The following GALNT1 variants were observed in gnomAD, a reference collection of about 807,000 sequenced individuals.
GALNT1 encodes GalNAc transferase 1.
Under a neutral mutation model 65.7 loss-of-function variants are expected in GALNT1, and 17 were observed. The ratio of observed to expected loss-of-function variants is 0.26; its 90% CI spans 0.18 to 0.39. GALNT1 has a LOEUF of 0.39. Ranked by LOEUF, GALNT1 falls within the 10% of genes least tolerant of loss-of-function variation. GALNT1 has a pLI of 1.00. For synonymous variants in GALNT1, 210 were observed against 219.7 expected (o/e 0.96, Z 0.39); for missense variants, 460 against 672.8 (o/e 0.68, Z 3.50).
At chr18:35,638,307 G>T (rs1361809511) in intron 1 of GALNT1, among the ~76,000 whole-genome samples, 3 of 152,194 alleles carry the variant, frequency 2.0e-5, no homozygotes, top group African/African-American at 7.2e-5. Flanking sequence ...AGGAGACTCG[G>T]CTGCTCATGT....
intron 1 of GALNT1, among the ~76,000 whole-genome samples, chr18:35,631,392 C>T (rs1053411592): frequency 2.0e-5 from 3 of 152,144 alleles, no homozygotes; most frequent in East Asian, 1.9e-4. Context: ...GGATGCAAGG[C>T]TGGTTCAACA....
At chr18:35,629,630 C>T (rs561551463) in intron 1 of GALNT1, among the ~76,000 whole-genome samples, 5 of 151,468 alleles carry the variant, frequency 3.3e-5, no homozygotes, top group African/African-American at 4.9e-5. Flanking sequence ...TTGTAAAGAC[C>T]ATCAATGCCA....
intron 6 of GALNT1, among the ~76,000 whole-genome samples, chr18:35,688,806 A>C (rs1344997988): frequency 6.6e-6 from 1 of 152,178 alleles, no homozygotes; most frequent in Non-Finnish European, 1.5e-5. Context: ...GAGTGGGTGC[A>C]CAGTCAGATG....
Position 35,677,010 on chromosome 18 carries a change from A to G in GALNT1, c.315-581A>G, listed in dbSNP as rs113835258. 6.4e-3 allele frequency among the ~76,000 whole-genome samples: 975 copies of G among 152,314 alleles called. 18 individuals carry two copies. The highest frequency in any genetic ancestry group is 0.022 in the African/African-American group (924 of 41,574). ...TTTAATTATGGCGGTGGCCCCATCA[A>G]GAGTTGGAACAGCAGGGCATGGGCT... On this transcript the variant is annotated intron_variant, in intron 3 of 11. Coordinates refer to ENST00000269195, the MANE Select transcript of GALNT1 (RefSeq NM_020474.4).
chr18:35,624,889 C>T (rs557058446), intron 1 of GALNT1, among the ~76,000 whole-genome samples: 2 of 152,232 alleles, frequency 1.3e-5, no homozygotes, highest in East Asian at 1.9e-4. Context: ...AATTATTGAA[C>T]TCTTCTACCT....
intron 1 of GALNT1, among the ~76,000 whole-genome samples, chr18:35,614,746 A>G (rs983392160): frequency 1.3e-5 from 2 of 152,212 alleles, no homozygotes; most frequent in Admixed American, 6.5e-5. Flanking sequence ...ACTAACATCC[A>G]GAATCTGCAA....
chr18:35,643,822 A>T (rs989684119), intron 1 of GALNT1, among the ~76,000 whole-genome samples: 1 of 151,790 alleles, frequency 6.6e-6, no homozygotes. Context: ...AAAAAAACAC[A>T]TATCTACTAT....
intron 10 of GALNT1, 78 bp from the exon 11 acceptor site, chr18:35,703,431 T>C (rs1161402403): frequency 7.6e-7 from 1 of 1,323,546 alleles, no homozygotes; most frequent in African/African-American, 1.5e-5. Context: ...ACTTGTATTT[T>C]CCCTGACAGC....
At chr18:35,633,123 G>A (rs1318674404) in intron 1 of GALNT1, among the ~76,000 whole-genome samples, 1 of 152,170 alleles carries the variant, frequency 6.6e-6, no homozygotes, top group Non-Finnish European at 1.5e-5. Context: ...AACCATTGTG[G>A]AAGACAGTGT....
chr18:35,589,621 T>C (rs1467112801), intron 1 of GALNT1, among the ~76,000 whole-genome samples: 1 of 152,190 alleles, frequency 6.6e-6, no homozygotes, highest in Non-Finnish European at 1.5e-5. Flanking sequence ...CCTTGCAGCC[T>C]GAGGTCCCTA....
chr18:35,603,564 T>A (rs2046608444), intron 1 of GALNT1, among the ~76,000 whole-genome samples: 1 of 152,196 alleles, frequency 6.6e-6, no homozygotes, highest in Non-Finnish European at 1.5e-5. Flanking sequence ...CACGTTAATT[T>A]ATTAATTTGT....
intron 9 of GALNT1, among the ~76,000 whole-genome samples, chr18:35,693,457 C>G (rs1334818215): frequency 6.6e-6 from 1 of 152,134 alleles, no homozygotes; most frequent in African/African-American, 2.4e-5. Context: ...TATTCTGAAT[C>G]AAATGGAAGC....
chr18:35,601,557 G>T (rs2046582970), intron 1 of GALNT1, among the ~76,000 whole-genome samples: 1 of 151,922 alleles, frequency 6.6e-6, no homozygotes. Flanking sequence ...CTACTGTTTT[G>T]ATGTAGATGT....
At chr18:35,620,554 A>G (rs955894254) in intron 1 of GALNT1, among the ~76,000 whole-genome samples, 7 of 152,162 alleles carry the variant, frequency 4.6e-5, no homozygotes, top group African/African-American at 1.4e-4. Context: ...TTGGTGTATT[A>G]TCCTCATGCA....
At chr18:35,585,394 A>G (rs1179097958) in intron 1 of GALNT1, among the ~76,000 whole-genome samples, 1 of 152,140 alleles carries the variant, frequency 6.6e-6, no homozygotes, top group Non-Finnish European at 1.5e-5. Flanking sequence ...GAAGTTATTC[A>G]CTGTTGATTT....
intron 1 of GALNT1, among the ~76,000 whole-genome samples, chr18:35,587,103 T>A (rs2046386729): frequency 1.3e-5 from 2 of 152,088 alleles, no homozygotes; most frequent in African/African-American, 4.8e-5. Context: ...AAATATTTCT[T>A]TTTATATTTT....
In GALNT1 at chr18:35,665,634, G is replaced by T. The variant is rs539793200; in HGVS notation, c.314+1832G>T. Among the ~76,000 whole-genome samples the T allele has an allele frequency of 7.2e-5, 11 of 152,302 alleles. 1 individual carries two copies. Among genetic ancestry groups the T allele is most frequent in the East Asian group, 1.9e-4 (1 of 5,182 alleles). ...CAGGTTTCTTAAGAGGCGAAAGAAG[G>T]TCACAATCAAAAGGTTATTAATCAG... On this transcript the variant is annotated intron_variant, in intron 3 of 11. Coordinates refer to ENST00000269195, the MANE Select transcript of GALNT1 (RefSeq NM_020474.4).
At position 35,599,836 on chromosome 18, in the gene GALNT1, A is replaced by G. The variant is rs956767565; in HGVS notation, c.-104+17974A>G. 1.8e-4 allele frequency among the ~76,000 whole-genome samples: 28 copies of G among 152,218 alleles called. 1 individual carries two copies. Among genetic ancestry groups the G allele is most frequent in the Non-Finnish European group, 1.8e-4 (12 of 68,030 alleles). On this transcript the variant is annotated intron_variant, in intron 1 of 11. Transcript: ENST00000269195. ...CCTTTTTCAAAAATGAGTTGGCTGT[A>G]AATGCGTGGATTTCTATCTGGGTTC...
At chr18:35,618,705 A>G (rs559473156) in intron 1 of GALNT1, among the ~76,000 whole-genome samples, 2 of 152,310 alleles carry the variant, frequency 1.3e-5, no homozygotes, top group African/African-American at 2.4e-5. Context: ...TTGTTAAGTA[A>G]AATGTCAACT....
Sources: gnomAD v4.1 joint callset for allele counts (sites outside exome capture counted in the v4.1 genomes callset) on GRCh38, gnomAD v4.1.1 for gene constraint, MANE v1.5 for transcripts, NCBI Gene and HGNC (gene_info 2026-07-23, HGNC 2026-07-21) for gene names.